The following CLVS1 variants were observed in gnomAD, a reference collection of about 807,000 sequenced individuals.
The protein encoded by CLVS1 is clavesin 1, also known as clavesin-1.
CLVS1 carries 10 observed loss-of-function variants against 33.1 expected under a neutral mutation model. The ratio of observed to expected loss-of-function variants is 0.30; its 90% CI spans 0.19 to 0.51. The LOEUF (loss-of-function observed/expected upper bound fraction) is 0.51, where lower values mean the gene tolerates loss of function less well. Ranked by LOEUF, CLVS1 falls within the 20% of genes least tolerant of loss-of-function variation. CLVS1 has a pLI of 0.97. For synonymous variants in CLVS1, 163 were observed against 166.1 expected (o/e 0.98, Z 0.14); for missense variants, 343 against 433.4 (o/e 0.79, Z 1.85).
chr8:61,116,661 G>T (rs1805730173), intron 1 of CLVS1, among the ~76,000 whole-genome samples: 1 of 150,688 alleles, frequency 6.6e-6, no homozygotes, highest in African/African-American at 2.5e-5. Flanking sequence ...TCTCAGGTTT[G>T]TCAAAGATCA....
upstream of CLVS1, among the ~76,000 whole-genome samples, chr8:61,055,053 C>T (rs908116918): frequency 2.0e-5 from 3 of 152,252 alleles, no homozygotes; most frequent in South Asian, 6.2e-4. Flanking sequence ...TTGAGACTTC[C>T]TTCCAATCAT....
chr8:61,057,412 A>ACACC (rs1554530272), intron 1 of CLVS1, among the ~76,000 whole-genome samples: 6 of 122,514 alleles, frequency 4.9e-5, no homozygotes, highest in Admixed American at 8.1e-5. Context: ...ACACACACAC[A>ACACC]CCCCATCCAA....
At chr8:61,092,459 A>G (rs1805267800) in intron 1 of CLVS1, among the ~76,000 whole-genome samples, 1 of 152,208 alleles carries the variant, frequency 6.6e-6, no homozygotes, top group African/African-American at 2.4e-5. Context: ...ATAACAACAC[A>G]AATTTACTGT....
intron 5 of CLVS1, among the ~76,000 whole-genome samples, chr8:61,485,658 C>T (rs1185582739): frequency 6.6e-6 from 1 of 152,194 alleles, no homozygotes; most frequent in Non-Finnish European, 1.5e-5. Context: ...ATGTTTATTG[C>T]AGCACTATTC....
rs578051800 is a variant in CLVS1 at position 61,501,257 on chromosome 8, G to A, written c.*1715G>A. 6.6e-6 allele frequency: 1 copy of A among 152,132 alleles called. No homozygotes were observed. Among genetic ancestry groups the A allele is most frequent in the African/African-American group, 2.4e-5 (1 of 41,510 alleles). 9.4% of individuals were successfully genotyped at this position (152,132 alleles called of 1,614,324 possible). On this transcript the variant is annotated 3_prime_UTR_variant, in exon 6 of 6. Transcript: ENST00000325897. ...ATTAGAAAATCCATTTTATTGCTTG[G>A]GTTTAAAATAGTTGTGGGATACAAG...
intron 2 of CLVS1, among the ~76,000 whole-genome samples, chr8:61,145,603 G>A (rs906069445): frequency 1.3e-5 from 2 of 152,222 alleles, no homozygotes; most frequent in African/African-American, 2.4e-5. Flanking sequence ...AGTGTCTGCT[G>A]TGCAGAAGCT....
chr8:61,128,096 A>G (rs1248167773), intron 1 of CLVS1, among the ~76,000 whole-genome samples: 1 of 152,254 alleles, frequency 6.6e-6, no homozygotes, highest in Non-Finnish European at 1.5e-5. Context: ...TTTTTTAAAC[A>G]TGACTTTTGA....
At chr8:61,245,242 A>G (rs1808781903) in intron 2 of CLVS1, among the ~76,000 whole-genome samples, 1 of 151,794 alleles carries the variant, frequency 6.6e-6, no homozygotes. Flanking sequence ...CTCTGTTGGT[A>G]GGTGATCTCA....
intron 1 of CLVS1, among the ~76,000 whole-genome samples, chr8:61,115,618 T>C (rs2129288912): frequency 6.6e-6 from 1 of 152,032 alleles, no homozygotes; most frequent in South Asian, 2.1e-4. Flanking sequence ...AGTGAGAATA[T>C]GCGGTGTTTG....
intron 2 of CLVS1, among the ~76,000 whole-genome samples, chr8:61,236,983 G>C (rs1360722121): frequency 6.6e-6 from 1 of 152,174 alleles, no homozygotes; most frequent in African/African-American, 2.4e-5. Context: ...TATTAATATG[G>C]CTTCATAAAC....
At chr8:61,035,614 T>G in the CLVS1 span, among the ~76,000 whole-genome samples, 1 of 152,142 alleles carries the variant, frequency 6.6e-6, no homozygotes. Context: ...TTTAGTGTAA[T>G]CTAAACACCA....
intron 2 of CLVS1, among the ~76,000 whole-genome samples, chr8:61,192,970 C>G (rs1458348662): frequency 3.3e-5 from 5 of 152,162 alleles, no homozygotes; most frequent in Admixed American, 3.3e-4. Context: ...GGCAATTCCT[C>G]AAGGATCTAG....
At chr8:61,087,295 G>A (rs939209862) in intron 1 of CLVS1, among the ~76,000 whole-genome samples, 4 of 152,166 alleles carry the variant, frequency 2.6e-5, no homozygotes, top group Admixed American at 2.0e-4. Context: ...GGGCATTGAG[G>A]CAATGGAGGG....
chr8:60,968,661 G>A, the CLVS1 span, among the ~76,000 whole-genome samples: 1 of 152,138 alleles, frequency 6.6e-6, no homozygotes, highest in Non-Finnish European at 1.5e-5. Context: ...GGCTGAGGTG[G>A]GCAGATCACT....
At chr8:61,447,167 T>C (rs1816785781) in intron 3 of CLVS1, among the ~76,000 whole-genome samples, 1 of 152,152 alleles carries the variant, frequency 6.6e-6, no homozygotes, top group South Asian at 2.1e-4. Flanking sequence ...TTATCAGTTG[T>C]TGAGAGAGTG....
chr8:61,097,639 A>G (rs1410100963), intron 1 of CLVS1, among the ~76,000 whole-genome samples: 1 of 152,230 alleles, frequency 6.6e-6, no homozygotes, highest in Non-Finnish European at 1.5e-5. Flanking sequence ...TGAGTCTCTC[A>G]TCTTGGCACC....
chr8:61,494,886 C>T (rs1051970831), intron 5 of CLVS1, among the ~76,000 whole-genome samples: 3 of 152,138 alleles, frequency 2.0e-5, no homozygotes, highest in African/African-American at 7.2e-5. Flanking sequence ...AGAATTATGT[C>T]ATGCTGAAAG....
chr8:61,382,494 G>A (rs1813920739), intron 3 of CLVS1, among the ~76,000 whole-genome samples: 1 of 152,170 alleles, frequency 6.6e-6, no homozygotes, highest in Non-Finnish European at 1.5e-5. Context: ...TAGAAATGCA[G>A]ATTTTCAGGC....
chr8:61,480,953 G>T (rs1410253809), intron 5 of CLVS1, among the ~76,000 whole-genome samples: 2 of 152,124 alleles, frequency 1.3e-5, no homozygotes, highest in Non-Finnish European at 2.9e-5. Flanking sequence ...CATGGAAGAG[G>T]AATATTGTTG....
Sources: allele counts gnomAD v4.1 joint callset (sites outside exome capture counted in the v4.1 genomes callset), GRCh38; gene constraint gnomAD v4.1.1; transcripts MANE v1.5; gene names NCBI Gene and HGNC (gene_info 2026-07-23, HGNC 2026-07-21).